The following GPC6 variants were observed in gnomAD, a reference collection of about 807,000 sequenced individuals.
The protein encoded by GPC6 is glypican 6, also known as glypican-6.
In GPC6, 14 loss-of-function variants were observed where a neutral mutation model predicts 55.2. The ratio of observed to expected loss-of-function variants is 0.25; its 90% confidence interval spans 0.17 to 0.40. GPC6 has a LOEUF of 0.40. GPC6 is among the 10% of genes least tolerant of loss of function. The pLI is 1.00. For synonymous variants in GPC6, 278 were observed against 259.6 expected (o/e 1.07, Z -0.68); for missense variants, 641 against 708.5 (o/e 0.90, Z 1.08).
chr13:93,781,414 G>T (rs1301014278), intron 2 of GPC6, among the ~76,000 whole-genome samples: 1 of 152,124 alleles, frequency 6.6e-6, no homozygotes, highest in Non-Finnish European at 1.5e-5. Context: ...AAAAGCCAAG[G>T]TTCAGAAACA....
At chr13:93,990,701 T>G (rs1234024181) in intron 3 of GPC6, among the ~76,000 whole-genome samples, 1 of 151,514 alleles carries the variant, frequency 6.6e-6, no homozygotes, top group Non-Finnish European at 1.5e-5. Flanking sequence ...ACAACAATTT[T>G]TTTTTTTTTT....
chr13:93,759,608 C>T (rs1490520320), intron 2 of GPC6, among the ~76,000 whole-genome samples: 2 of 152,144 alleles, frequency 1.3e-5, no homozygotes, highest in Admixed American at 1.3e-4. Flanking sequence ...TGGCCTTGAT[C>T]TTTAGTTTCA....
intron 4 of GPC6, among the ~76,000 whole-genome samples, chr13:94,184,310 C>CA (rs769106454): frequency 2.1e-4 from 31 of 149,268 alleles, no homozygotes; most frequent in East Asian, 5.8e-4. Context: ...TTTTGCACAG[C>CA]AAAAAACAAA....
At chr13:94,144,043 A>ACG (rs1887472631) in intron 4 of GPC6, among the ~76,000 whole-genome samples, 1 of 152,158 alleles carries the variant, frequency 6.6e-6, no homozygotes, top group Non-Finnish European at 1.5e-5. Flanking sequence ...TTTTGTCCTA[A>ACG]TGGTGAAAAG....
At chr13:93,672,085 G>A (rs908185758) in intron 2 of GPC6, among the ~76,000 whole-genome samples, 62 of 150,314 alleles carry the variant, frequency 4.1e-4, no homozygotes, top group African/African-American at 1.5e-3. Context: ...ACAAGGAACA[G>A]AACAACGTAG....
intron 3 of GPC6, among the ~76,000 whole-genome samples, chr13:93,901,388 G>C (rs1043818733): frequency 6.6e-6 from 1 of 151,184 alleles, no homozygotes; most frequent in Non-Finnish European, 1.5e-5. Context: ...ACTTTTTTTT[G>C]TGTGTGAACC....
chr13:93,659,164 C>A (rs1880816446), intron 2 of GPC6, among the ~76,000 whole-genome samples: 1 of 151,688 alleles, frequency 6.6e-6, no homozygotes, highest in Non-Finnish European at 1.5e-5. Flanking sequence ...ATCATGATAG[C>A]CCATTATTTA....
chr13:93,645,367 G>C (rs2139591955), intron 2 of GPC6, among the ~76,000 whole-genome samples: 1 of 152,080 alleles, frequency 6.6e-6, no homozygotes, highest in South Asian at 2.1e-4. Context: ...CTGAAAGAAA[G>C]GTTACATAGT....
At chr13:93,819,399 C>T (rs1471315550) in intron 2 of GPC6, among the ~76,000 whole-genome samples, 1 of 152,144 alleles carries the variant, frequency 6.6e-6, no homozygotes, top group East Asian at 1.9e-4. Context: ...ATACTACCAT[C>T]ATGATTTGGA....
intron 1 of GPC6, among the ~76,000 whole-genome samples, chr13:93,520,378 C>T: frequency 6.6e-6 from 1 of 151,768 alleles, no homozygotes; most frequent in East Asian, 1.9e-4. Context: ...AAATTCTTTG[C>T]CAGGTGACAA....
intron 4 of GPC6, among the ~76,000 whole-genome samples, chr13:94,180,051 G>T (rs1033510909): frequency 6.6e-6 from 1 of 152,118 alleles, no homozygotes; most frequent in Non-Finnish European, 1.5e-5. Flanking sequence ...AGAGGCACAG[G>T]GGGAGGAGGA....
chr13:93,405,849 G>T (rs1363605174), intron 1 of GPC6, among the ~76,000 whole-genome samples: 1 of 152,138 alleles, frequency 6.6e-6, no homozygotes, highest in African/African-American at 2.4e-5. Context: ...GGACGGTGGG[G>T]TGGATCCTCT....
At chr13:93,635,332 C>A (rs2139577593) in intron 2 of GPC6, among the ~76,000 whole-genome samples, 1 of 152,120 alleles carries the variant, frequency 6.6e-6, no homozygotes. Context: ...AGCACTGTCC[C>A]ATGAAAGAGA....
chr13:93,560,630 C>A (rs112096663), intron 2 of GPC6, among the ~76,000 whole-genome samples: 2 of 151,860 alleles, frequency 1.3e-5, no homozygotes, highest in Non-Finnish European at 2.9e-5. Context: ...CCAAGGCGGG[C>A]GGATCATGAG....
At chr13:94,036,309 A>G (rs1383748275) in intron 4 of GPC6, among the ~76,000 whole-genome samples, 1 of 152,070 alleles carries the variant, frequency 6.6e-6, no homozygotes, top group East Asian at 1.9e-4. Flanking sequence ...CACATGAAAA[A>G]GATATGTCCT....
chr13:93,342,880 A>G (rs1880306969), intron 1 of GPC6, among the ~76,000 whole-genome samples: 2 of 152,172 alleles, frequency 1.3e-5, no homozygotes, highest in South Asian at 4.1e-4. Flanking sequence ...ATAAATGGAC[A>G]TTGGAGTTTA....
At chr13:93,424,620 A>G (rs984794040) in intron 1 of GPC6, among the ~76,000 whole-genome samples, 7 of 151,992 alleles carry the variant, frequency 4.6e-5, no homozygotes, top group Non-Finnish European at 7.4e-5. Flanking sequence ...CATCATCATC[A>G]TCATCATCTT....
intron 1 of GPC6, among the ~76,000 whole-genome samples, chr13:93,412,010 A>T (rs994950783): frequency 6.6e-5 from 10 of 152,012 alleles, no homozygotes; most frequent in Admixed American, 3.3e-4. Context: ...CTCAAAAAAA[A>T]AAAATAAATA....
intron 3 of GPC6, among the ~76,000 whole-genome samples, chr13:93,955,435 A>T (rs1933148): frequency 2.0e-5 from 3 of 152,176 alleles, no homozygotes; most frequent in Admixed American, 1.3e-4. Flanking sequence ...ATGCAGATTG[A>T]TATCAATCAC....
Sources: gnomAD v4.1 joint callset for allele counts (sites outside exome capture counted in the v4.1 genomes callset) on GRCh38, gnomAD v4.1.1 for gene constraint, MANE v1.5 for transcripts, NCBI Gene and HGNC (gene_info 2026-07-23, HGNC 2026-07-21) for gene names.